SBF2: variants seen among roughly 807,000 people sequenced by gnomAD.
SBF2 encodes the protein myotubularin-related protein 13.
Under a neutral mutation model 225.2 loss-of-function variants are expected in SBF2, and 112 were observed. The ratio of observed to expected loss-of-function variants is 0.50; its 90% CI spans 0.43 to 0.58. The LOEUF (loss-of-function observed/expected upper bound fraction) is 0.58. SBF2 is among the 20% of genes least tolerant of loss of function. The probability of loss-of-function intolerance (pLI) is 0.00; values close to 1 mark genes in which losing one functional copy is unlikely to be tolerated. For synonymous variants in SBF2, 763 were observed against 773.3 expected, an observed-to-expected ratio of 0.99 and a Z score of 0.22; for missense variants, 1,996 against 2,206.2, an observed-to-expected ratio of 0.90 and a Z score of 1.91.
At chr11:9,941,599 T>C (rs1245751706) in intron 16 of SBF2, among the ~76,000 whole-genome samples, 2 of 152,170 alleles carry the variant, frequency 1.3e-5, no homozygotes, top group South Asian at 4.1e-4. Context: ...ACAAAAAGCA[T>C]TTCATAAAAC....
intron 1 of SBF2, among the ~76,000 whole-genome samples, chr11:10,261,845 T>A (rs1239876012): frequency 6.6e-6 from 1 of 152,146 alleles, no homozygotes; most frequent in East Asian, 1.9e-4. Flanking sequence ...AAAAACATGC[T>A]GAGTGAAAGA....
chr11:9,819,767 C>G (rs902205541), intron 28 of SBF2, among the ~76,000 whole-genome samples: 1 of 152,212 alleles, frequency 6.6e-6, no homozygotes, highest in African/African-American at 2.4e-5. Context: ...AAGGTCATCA[C>G]ACCAGGAAAC....
At chr11:10,033,703 C>T (rs956405439) in intron 3 of SBF2, among the ~76,000 whole-genome samples, 7 of 146,950 alleles carry the variant, frequency 4.8e-5, no homozygotes, top group African/African-American at 1.7e-4. Context: ...AAATAAACCC[C>T]AAATTTATTA....
intron 1 of SBF2, among the ~76,000 whole-genome samples, chr11:10,243,604 A>G (rs1959456029): frequency 6.6e-6 from 1 of 152,062 alleles, no homozygotes; most frequent in Admixed American, 6.5e-5. Flanking sequence ...ACTCAAAATC[A>G]GAAATGGAAG....
At chr11:9,822,673 T>C (rs947427522) in intron 28 of SBF2, among the ~76,000 whole-genome samples, 2 of 152,192 alleles carry the variant, frequency 1.3e-5, no homozygotes, top group Non-Finnish European at 2.9e-5. Flanking sequence ...ATTTTCCCCA[T>C]AGGAATGCGT....
chr11:9,966,290 G>A (rs897166133), intron 14 of SBF2, among the ~76,000 whole-genome samples: 2 of 152,004 alleles, frequency 1.3e-5, no homozygotes, highest in Admixed American at 1.3e-4. Context: ...GAGTTTCACC[G>A]TGTTGGCCAG....
chr11:10,252,601 G>C (rs1453731195), intron 1 of SBF2, among the ~76,000 whole-genome samples: 2 of 152,176 alleles, frequency 1.3e-5, no homozygotes, highest in African/African-American at 4.8e-5. Context: ...ACGAGGTCAA[G>C]AGATCGAGAC....
At chr11:9,784,497 G>A (rs1187120224) in intron 37 of SBF2, 59 bp from the exon 38 acceptor site, 2 of 1,288,492 alleles carry the variant, frequency 1.6e-6, no homozygotes, top group Non-Finnish European at 2.3e-6. Context: ...ATGCTGTAAA[G>A]GGGAGGGGAT....
In SBF2 at chr11:9,993,011, C is replaced by T; in HGVS notation, c.1146G>A (p.Glu382=). ...SCLQLIRIHA[E]PVIHFHKTAF... ...TTACCTTGTGGAAATGTATTACTGGCTCTGCATGAATTCTTATAAGTTGCA... is the reference window on the plus strand; with the variant it reads ...TTACCTTGTGGAAATGTATTACTGGTTCTGCATGAATTCTTATAAGTTGCA... The change falls in exon 11 of 40, where the codon GAG becomes GAA. Residue 382 remains glutamate, a synonymous_variant. Coordinates refer to ENST00000256190, the MANE Select transcript of SBF2 (RefSeq NM_030962.4). The T allele has an allele frequency of 6.2e-7, 1 of 1,609,392 alleles. No individual in the cohort carries two copies. The highest frequency in any genetic ancestry group is 8.5e-7 in the Non-Finnish European group (1 of 1,176,850).
chr11:10,059,883 G>A (rs978079256), intron 2 of SBF2, among the ~76,000 whole-genome samples: 16 of 152,284 alleles, frequency 1.1e-4, no homozygotes, highest in South Asian at 4.1e-4. Context: ...CTAAAGCAGT[G>A]TTAAGAGAAG....
chr11:10,223,624 A>G (rs1958433270), intron 1 of SBF2, among the ~76,000 whole-genome samples: 1 of 151,800 alleles, frequency 6.6e-6, no homozygotes, highest in Non-Finnish European at 1.5e-5. Flanking sequence ...TCTACACTAC[A>G]TATCAAGCAA....
intron 32 of SBF2, among the ~76,000 whole-genome samples, chr11:9,805,682 G>A (rs1229042762): frequency 6.6e-6 from 1 of 152,140 alleles, no homozygotes; most frequent in Non-Finnish European, 1.5e-5. Flanking sequence ...CAGTGCAGTG[G>A]GGGCTTCTCA....
At chr11:10,172,657 C>T (rs543233571) in intron 2 of SBF2, among the ~76,000 whole-genome samples, 2 of 151,912 alleles carry the variant, frequency 1.3e-5, no homozygotes, top group Non-Finnish European at 2.9e-5. Context: ...CTGGCCAATA[C>T]AATTTTAAAT....
chr11:10,259,722 A>G (rs965942293), intron 1 of SBF2, among the ~76,000 whole-genome samples: 8 of 152,146 alleles, frequency 5.3e-5, no homozygotes, highest in African/African-American at 1.7e-4. Flanking sequence ...AAGCATCAAC[A>G]TTTTTAGAGA....
chr11:9,805,004 G>T lies in SBF2; in HGVS notation c.4443+2996C>A, dbSNP rs918191581. ...TCACGCCTGTAATCCCAGTACTTTG[G>T]AAGGCCAAGGCAGATAGATCACCTG... On this transcript the variant is annotated intron_variant, in intron 32 of 39. Coordinates refer to ENST00000256190, the MANE Select transcript of SBF2 (RefSeq NM_030962.4). Among the ~76,000 whole-genome samples the T allele has an allele frequency of 5.9e-5, 9 of 152,206 alleles. No individual in the cohort carries two copies. In the South Asian group the frequency reaches 1.9e-3, roughly 32 times the overall value.
intron 32 of SBF2, among the ~76,000 whole-genome samples, chr11:9,799,895 T>C (rs992858594): frequency 3.9e-5 from 6 of 152,246 alleles, no homozygotes; most frequent in African/African-American, 1.4e-4. Flanking sequence ...TTCATGTGCT[T>C]ATTTGCATAT....
In SBF2 at chr11:10,021,274, G is replaced by C. The variant is rs905150512; in HGVS notation, c.619+7178C>G. 3.3e-5 allele frequency among the ~76,000 whole-genome samples: 5 copies of C among 152,156 alleles called. No individual in the cohort carries two copies. The South Asian group carries it at 1.0e-3, about 32-fold the overall frequency. Reference sequence around the variant, plus strand: ...ATTTTACAAGATTATTTGGGGCAGGGAGGGACACCCAAGTTTAAACGGGTA... The same window carrying C: ...ATTTTACAAGATTATTTGGGGCAGGCAGGGACACCCAAGTTTAAACGGGTA... On this transcript the variant is annotated intron_variant, in intron 6 of 39. Coordinates refer to ENST00000256190, the MANE Select transcript of SBF2 (RefSeq NM_030962.4).
At position 10,199,151 on chromosome 11, in the gene SBF2, C is replaced by T. The variant is rs902880657; in HGVS notation, c.56-5164G>A. Among the ~76,000 whole-genome samples the T allele has an allele frequency of 3.3e-5, 5 of 152,072 alleles. No homozygotes were observed. In the South Asian group the frequency reaches 6.2e-4, roughly 19 times the overall value. The stretch of plus-strand genomic sequence containing the variant: ...TTCCTTTCACTTGACCACTTAAAGG[C>T]CATTGTAAAGTCATCAACTAACCCA... On this transcript the variant is annotated intron_variant, in intron 1 of 39. Transcript: ENST00000256190.
At chr11:10,047,597 CT>C (rs1285530512) in intron 2 of SBF2, among the ~76,000 whole-genome samples, 1 of 152,164 alleles carries the variant, frequency 6.6e-6, no homozygotes. Flanking sequence ...CTATCCCCAT[CT>C]CTTTGACATT....
Sources: allele counts gnomAD v4.1 joint callset (sites outside exome capture counted in the v4.1 genomes callset), GRCh38; gene constraint gnomAD v4.1.1; transcripts MANE v1.5; gene names NCBI Gene and HGNC (gene_info 2026-07-23, HGNC 2026-07-21).